DDX6: variants seen among roughly 807,000 people sequenced by gnomAD.
DDX6 encodes the protein probable ATP-dependent RNA helicase DDX6.
Under a neutral mutation model 60.6 loss-of-function variants are expected in DDX6, and 7 were observed. The observed-to-expected ratio is 0.12, with a 90% confidence interval of 0.07 to 0.22. The LOEUF (loss-of-function observed/expected upper bound fraction) is 0.22, where lower values mean the gene tolerates loss of function less well. Ranked by LOEUF, DDX6 falls within the 10% of genes least tolerant of loss-of-function variation. The pLI, the probability that DDX6 is intolerant of heterozygous loss-of-function variation, is 1.00. For synonymous variants in DDX6, 207 were observed against 201.0 expected, an observed-to-expected ratio of 1.03 and a Z score of -0.25; for missense variants, 270 against 589.9, an observed-to-expected ratio of 0.46 and a Z score of 5.62.
intron 4 of DDX6, among the ~76,000 whole-genome samples, chr11:118,771,770 G>A (rs565184353): frequency 1.3e-5 from 2 of 152,366 alleles, no homozygotes; most frequent in South Asian, 4.1e-4. Context: ...GCTTTAGCCA[G>A]TATTTGAACT....
chr11:118,778,046 A>T (rs1173792456), intron 4 of DDX6, among the ~76,000 whole-genome samples: 1 of 152,082 alleles, frequency 6.6e-6, no homozygotes, highest in Non-Finnish European at 1.5e-5. Flanking sequence ...AAAAATTGAA[A>T]AAAATGGTGA....
chr11:118,760,118 G>A, intron 7 of DDX6, 74 bp from the exon 8 acceptor site: 1 of 1,328,990 alleles, frequency 7.5e-7, no homozygotes, highest in East Asian at 2.5e-5. Flanking sequence ...CATGGTCAAA[G>A]AATAAGGCAT....
At chr11:118,785,678 C>T (rs1341511221) in intron 2 of DDX6, among the ~76,000 whole-genome samples, 1 of 152,034 alleles carries the variant, frequency 6.6e-6, no homozygotes, top group Non-Finnish European at 1.5e-5. Flanking sequence ...GCTTTATCTG[C>T]TGTTTAACTA....
chr11:118,789,536 A>G (rs2508923), intron 1 of DDX6: 1 of 152,210 alleles, frequency 6.6e-6, no homozygotes, highest in African/African-American at 2.4e-5. Flanking sequence ...AAAAAAATGA[A>G]CAAGTTGCTC....
At chr11:118,780,623 C>T (rs1187954120) in intron 3 of DDX6, among the ~76,000 whole-genome samples, 1 of 151,456 alleles carries the variant, frequency 6.6e-6, no homozygotes, top group East Asian at 1.9e-4. Context: ...GGCCCTTGGT[C>T]ACAGTCTCCT....
intron 4 of DDX6, among the ~76,000 whole-genome samples, chr11:118,775,631 T>G (rs529205994): frequency 6.6e-6 from 1 of 152,342 alleles, no homozygotes; most frequent in Non-Finnish European, 1.5e-5. Flanking sequence ...ATACTTTGGT[T>G]GTACACTACA....
intron 13 of DDX6, 48 bp downstream of exon 13, chr11:118,754,657 A>T: frequency 3.8e-5 from 56 of 1,463,836 alleles, no homozygotes; most frequent in Non-Finnish European, 5.1e-5. Context: ...GAAGATTTTG[A>T]TTTCCCTCAT....
intron 4 of DDX6, 99 bp from the exon 5 acceptor site, chr11:118,768,451 T>TA: frequency 8.1e-7 from 1 of 1,227,016 alleles, no homozygotes; most frequent in East Asian, 2.4e-5. Context: ...GGTATTGCTT[T>TA]AAGTGTCCTA....
chr11:118,779,771 T>C lies in DDX6; in HGVS notation c.265-35A>G, dbSNP rs782008305. 1.2e-5 allele frequency: 18 copies of C among 1,458,760 alleles called. No homozygotes were observed. The Admixed American group carries it at 3.2e-4, about 26-fold the overall frequency. 90.4% of individuals were successfully genotyped at this position (1,458,760 alleles called of 1,614,324 possible). Reference sequence around the variant, plus strand: ...CAAAAAGGAACAATAAAAGAATAAATAACACTGTTGGTAAATTTGGTGTCC... The same window carrying C: ...CAAAAAGGAACAATAAAAGAATAAACAACACTGTTGGTAAATTTGGTGTCC... On this transcript the variant is annotated intron_variant, in intron 3 of 13. Transcript: ENST00000534980.
intron 4 of DDX6, among the ~76,000 whole-genome samples, chr11:118,768,589 A>G (rs1306002199): frequency 6.6e-6 from 1 of 152,192 alleles, no homozygotes; most frequent in Non-Finnish European, 1.5e-5. Context: ...TTGTAACCCA[A>G]TGTCATAAGA....
At chr11:118,763,690 T>C (rs1178546715) in intron 6 of DDX6, among the ~76,000 whole-genome samples, 4 of 151,664 alleles carry the variant, frequency 2.6e-5, no homozygotes, top group South Asian at 2.1e-4. Context: ...AAAAATTAGC[T>C]GGGTGTGGTG....
chr11:118,786,620 GAATT>G (rs1283920503), intron 1 of DDX6, 102 bp from the exon 2 acceptor site: 6 of 188,500 alleles, frequency 3.2e-5, no homozygotes, highest in Admixed American at 6.1e-5. Context: ...TTATATTAAA[GAATT>G]AATAATACAG....
intron 3 of DDX6, among the ~76,000 whole-genome samples, chr11:118,780,184 C>G (rs1861848647): frequency 6.9e-6 from 1 of 145,866 alleles, no homozygotes; most frequent in Non-Finnish European, 1.5e-5. Flanking sequence ...CCTGCCCAAT[C>G]TTAAATATAA....
intron 2 of DDX6, among the ~76,000 whole-genome samples, chr11:118,784,393 C>A (rs1426962941): frequency 6.6e-6 from 1 of 151,516 alleles, no homozygotes; most frequent in Admixed American, 6.6e-5. Context: ...AAAACATATA[C>A]CTCAGTTCAG....
intron 6 of DDX6, 40 bp downstream of exon 6, chr11:118,765,169 T>C (rs782078238): frequency 1.3e-6 from 2 of 1,594,574 alleles, no homozygotes; most frequent in African/African-American, 2.7e-5. Context: ...GTGACTAAAA[T>C]AACAGAGAGC....
intron 4 of DDX6, among the ~76,000 whole-genome samples, chr11:118,777,441 C>T (rs1234060306): frequency 6.6e-6 from 1 of 152,108 alleles, no homozygotes; most frequent in African/African-American, 2.4e-5. Context: ...TATTTCCTTG[C>T]TCTTTCCACT....
intron 5 of DDX6, 157 bp downstream of exon 5, chr11:118,768,066 A>G (rs1174075838): frequency 4.5e-6 from 3 of 665,244 alleles, no homozygotes; most frequent in Non-Finnish European, 7.2e-6. Flanking sequence ...TTTTAATAAA[A>G]AGACCATCAT....
chr11:118,791,309 C>T (rs1862272451), upstream of DDX6: 1 of 152,126 alleles, frequency 6.6e-6, no homozygotes, highest in Non-Finnish European at 1.5e-5. Flanking sequence ...GGCGTCACTG[C>T]CTTCCTGGCC....
rs571624131 is a variant in DDX6 at position 118,752,010 on chromosome 11, A to G, written c.*95T>C. On this transcript the variant is annotated 3_prime_UTR_variant, in exon 14 of 14. Coordinates refer to ENST00000534980, the MANE Select transcript of DDX6 (RefSeq NM_004397.6). Reference sequence around the variant, plus strand: ...TTTTAAGTCTTCATAGTTCCAAAATAAAAGATGAAAAACCCACAAAGAGAG... The same window carrying G: ...TTTTAAGTCTTCATAGTTCCAAAATGAAAGATGAAAAACCCACAAAGAGAG... The G allele has an allele frequency of 2.5e-4, 81 of 320,034 alleles. No individual in the cohort carries two copies. The highest frequency in any genetic ancestry group is 2.0e-3 in the South Asian group (79 of 39,908). The allele number at this position is 320,034 out of a possible 1,614,324, so 19.8% of individuals were successfully genotyped here.
Sources: allele counts gnomAD v4.1 joint callset (sites outside exome capture counted in the v4.1 genomes callset), GRCh38; gene constraint gnomAD v4.1.1; transcripts MANE v1.5; gene names NCBI Gene and HGNC (gene_info 2026-07-23, HGNC 2026-07-21).